FBXL7: variants seen among roughly 807,000 people sequenced by gnomAD.
The protein encoded by FBXL7 is F-box and leucine rich repeat protein 7, also known as F-box/LRR-repeat protein 7.
FBXL7 carries 12 observed loss-of-function variants against 38.3 expected under a neutral mutation model. The ratio of observed to expected loss-of-function variants is 0.31; its 90% confidence interval spans 0.20 to 0.51. The LOEUF is 0.51. Among genes scored for constraint, FBXL7 ranks in the 20% least tolerant of loss-of-function variants. The pLI is 0.98. For synonymous variants in FBXL7, 297 were observed against 300.9 expected (o/e 0.99, Z 0.13); for missense variants, 567 against 676.4 (o/e 0.84, Z 1.79).
intron 1 of FBXL7, among the ~76,000 whole-genome samples, chr5:15,520,736 G>GT: frequency 6.6e-6 from 1 of 152,170 alleles, no homozygotes; most frequent in Non-Finnish European, 1.5e-5. Flanking sequence ...AAATGCCTCA[G>GT]TTTTTTCCTA....
At chr5:15,719,260 T>A (rs905802449) in intron 2 of FBXL7, among the ~76,000 whole-genome samples, 1 of 152,206 alleles carries the variant, frequency 6.6e-6, no homozygotes, top group Non-Finnish European at 1.5e-5. Context: ...CCCAGAAGAT[T>A]AAGTAATTAT....
intron 2 of FBXL7, among the ~76,000 whole-genome samples, chr5:15,699,443 C>T (rs778259449): frequency 2.4e-4 from 37 of 152,150 alleles, no homozygotes; most frequent in Non-Finnish European, 5.0e-4. Flanking sequence ...CCGTTGTGCT[C>T]CTTCTGTGTG....
intron 2 of FBXL7, among the ~76,000 whole-genome samples, chr5:15,783,924 A>T (rs565509398): frequency 6.6e-6 from 1 of 152,298 alleles, no homozygotes; most frequent in East Asian, 1.9e-4. Flanking sequence ...ACTTTTGGCA[A>T]TGGGCCAGGT....
At chr5:15,636,956 A>AT (rs201823956) in intron 2 of FBXL7, among the ~76,000 whole-genome samples, 1 of 130,646 alleles carries the variant, frequency 7.7e-6, no homozygotes, top group Non-Finnish European at 1.7e-5. Flanking sequence ...AGAAGCAGAA[A>AT]TTTTTTTGTT....
chr5:15,819,569 A>G (rs1015351164), intron 2 of FBXL7, among the ~76,000 whole-genome samples: 2 of 152,216 alleles, frequency 1.3e-5, no homozygotes, highest in African/African-American at 4.8e-5. Context: ...TTTGAATCTG[A>G]TATTTGAAAA....
At chr5:15,791,243 T>A (rs1482761009) in intron 2 of FBXL7, among the ~76,000 whole-genome samples, 1 of 152,196 alleles carries the variant, frequency 6.6e-6, no homozygotes, top group Non-Finnish European at 1.5e-5. Context: ...GTAAACTTAG[T>A]ATTCTAAACT....
chr5:15,651,846 A>G (rs1344037707), intron 2 of FBXL7, among the ~76,000 whole-genome samples: 1 of 152,192 alleles, frequency 6.6e-6, no homozygotes, highest in African/African-American at 2.4e-5. Flanking sequence ...AAAGTTCTGG[A>G]TGGCACCTTC....
chr5:15,775,879 AG>A (rs1561122330), intron 2 of FBXL7, among the ~76,000 whole-genome samples: 4 of 152,136 alleles, frequency 2.6e-5, no homozygotes, highest in African/African-American at 9.7e-5. Flanking sequence ...CTTTGAACAC[AG>A]GGGAGCTTCT....
At chr5:15,781,031 G>A (rs1736976829) in intron 2 of FBXL7, among the ~76,000 whole-genome samples, 1 of 152,156 alleles carries the variant, frequency 6.6e-6, no homozygotes, top group Non-Finnish European at 1.5e-5. Flanking sequence ...CTATTTCTAA[G>A]ATATGCTGTG....
chr5:15,541,471 A>ATG (rs1737750490), intron 1 of FBXL7, among the ~76,000 whole-genome samples: 2 of 126,468 alleles, frequency 1.6e-5, no homozygotes, highest in Admixed American at 8.1e-5. Flanking sequence ...ATATATATAT[A>ATG]TATATATATA....
In FBXL7 at chr5:15,500,640, G is replaced by C; in HGVS notation, c.-37G>C. The C allele has an allele frequency of 6.2e-7, 1 of 1,613,510 alleles. No individual in the cohort carries two copies. Among genetic ancestry groups the C allele is most frequent in the African/African-American group, 1.3e-5 (1 of 75,026 alleles). ...GCGCAGGACGTGCGCCGCAGCTATGGAGTGTCCCGGGAGACGGCGGGCATG... is the reference window on the plus strand; with the variant it reads ...GCGCAGGACGTGCGCCGCAGCTATGCAGTGTCCCGGGAGACGGCGGGCATG... On this transcript the variant is annotated 5_prime_UTR_variant, in exon 1 of 4. Coordinates refer to ENST00000504595, the MANE Select transcript of FBXL7 (RefSeq NM_012304.5).
chr5:15,773,574 A>G (rs554701858), intron 2 of FBXL7, among the ~76,000 whole-genome samples: 1 of 152,226 alleles, frequency 6.6e-6, no homozygotes, highest in African/African-American at 2.4e-5. Context: ...GCTTGAGCCC[A>G]GAAGTTTGAG....
chr5:15,643,318 G>T (rs956037967), intron 2 of FBXL7, among the ~76,000 whole-genome samples: 2 of 152,124 alleles, frequency 1.3e-5, no homozygotes, highest in East Asian at 3.9e-4. Flanking sequence ...ATGCATTCTG[G>T]TATTTAAGAG....
chr5:15,796,776 T>G (rs1737427705), intron 2 of FBXL7, among the ~76,000 whole-genome samples: 1 of 152,164 alleles, frequency 6.6e-6, no homozygotes, highest in African/African-American at 2.4e-5. Context: ...CAATAAGGAT[T>G]ACAGAATTCC....
chr5:15,607,632 C>T (rs548299313), intron 1 of FBXL7, among the ~76,000 whole-genome samples: 1 of 152,250 alleles, frequency 6.6e-6, no homozygotes, highest in African/African-American at 2.4e-5. Flanking sequence ...AAACCTGGCA[C>T]GCTCTAACAG....
At chr5:15,677,765 G>A (rs1274122392) in intron 2 of FBXL7, among the ~76,000 whole-genome samples, 1 of 152,126 alleles carries the variant, frequency 6.6e-6, no homozygotes, top group African/African-American at 2.4e-5. Context: ...TTTAGTTTCT[G>A]AACCACCACC....
chr5:15,705,480 T>A (rs1432390338), intron 2 of FBXL7, among the ~76,000 whole-genome samples: 1 of 152,180 alleles, frequency 6.6e-6, no homozygotes, highest in Non-Finnish European at 1.5e-5. Flanking sequence ...GTCCTTGCCA[T>A]TAAAGAGCTT....
At chr5:15,916,975 T>C (rs1455873361) in intron 2 of FBXL7, among the ~76,000 whole-genome samples, 17 of 152,196 alleles carry the variant, frequency 1.1e-4, no homozygotes, top group Admixed American at 1.1e-3. Context: ...CTGATGGTAG[T>C]ATCACTTTTC....
intron 2 of FBXL7, among the ~76,000 whole-genome samples, chr5:15,633,226 A>G (rs1223245144): frequency 6.6e-6 from 1 of 152,136 alleles, no homozygotes; most frequent in Non-Finnish European, 1.5e-5. Flanking sequence ...TGTGTTTTCC[A>G]ATATTCTCTA....
Sources: allele counts gnomAD v4.1 joint callset (sites outside exome capture counted in the v4.1 genomes callset), GRCh38; gene constraint gnomAD v4.1.1; transcripts MANE v1.5; gene names NCBI Gene and HGNC (gene_info 2026-07-23, HGNC 2026-07-21).